The following TMEM108 variants were observed in gnomAD, a reference collection of about 807,000 sequenced individuals.
TMEM108 encodes cancer/testis antigen 124.
A neutral mutation model predicts 35.1 loss-of-function variants in TMEM108; 12 were observed. That is an observed-to-expected ratio of 0.34 (90% CI 0.22 to 0.55). TMEM108 has a LOEUF of 0.55. Ranked by LOEUF, TMEM108 falls within the 20% of genes least tolerant of loss-of-function variation. The pLI is 0.89. For missense variants in TMEM108, 680 were observed against 753.3 expected, an observed-to-expected ratio of 0.90 and a Z score of 1.14; for synonymous variants, 287 against 308.6, an observed-to-expected ratio of 0.93 and a Z score of 0.73.
intron 2 of TMEM108, among the ~76,000 whole-genome samples, chr3:133,164,151 T>C (rs937488299): frequency 6.6e-6 from 1 of 152,204 alleles, no homozygotes; most frequent in African/African-American, 2.4e-5. Context: ...TCTATGTGTC[T>C]GCCTTCACAT....
At chr3:133,323,778 C>A (rs1392732219) in intron 3 of TMEM108, among the ~76,000 whole-genome samples, 1 of 152,174 alleles carries the variant, frequency 6.6e-6, no homozygotes, top group Non-Finnish European at 1.5e-5. Context: ...TCAAACTATA[C>A]TACCAGGCCA....
chr3:133,387,406 T>TAATC, intron 4 of TMEM108: 1 of 985,444 alleles, frequency 1.0e-6, no homozygotes, highest in Non-Finnish European at 1.2e-6. Context: ...GAGAGAAATA[T>TAATC]AATCAGGCCA....
chr3:133,040,337 G>T (rs1943260366), intron 1 of TMEM108, among the ~76,000 whole-genome samples: 1 of 151,564 alleles, frequency 6.6e-6, no homozygotes, highest in Admixed American at 6.6e-5. Context: ...CCGAGTAGCT[G>T]GGATTACAGG....
chr3:133,075,105 G>A lies in TMEM108; in HGVS notation c.-47+29085G>A, dbSNP rs553122928. Among the ~76,000 whole-genome samples, 10 of 152,230 alleles carry A rather than the reference G, an allele frequency of 6.6e-5. No homozygotes were observed. The South Asian group carries it at 2.1e-3, about 32-fold the overall frequency. On this transcript the variant is annotated intron_variant, in intron 2 of 5. Coordinates refer to ENST00000321871, the MANE Select transcript of TMEM108 (RefSeq NM_023943.4). ...TCTCTTTGCTGTGCTTCTCCACAGAGCATCCACCACATTTTTATCCATCTG... is the reference window on the plus strand; with the variant it reads ...TCTCTTTGCTGTGCTTCTCCACAGAACATCCACCACATTTTTATCCATCTG...
intron 2 of TMEM108, among the ~76,000 whole-genome samples, chr3:133,080,971 C>T (rs887161554): frequency 6.6e-6 from 1 of 151,768 alleles, no homozygotes; most frequent in Non-Finnish European, 1.5e-5. Context: ...ATGAAAGGAA[C>T]ATGAACTTTA....
chr3:133,212,596 G>T (rs184128797), intron 2 of TMEM108, among the ~76,000 whole-genome samples: 1 of 152,178 alleles, frequency 6.6e-6, no homozygotes, highest in African/African-American at 2.4e-5. Context: ...GCCAGGCATG[G>T]TGTCTCATGC....
intron 3 of TMEM108, among the ~76,000 whole-genome samples, chr3:133,268,900 G>A (rs943647041): frequency 2.6e-5 from 4 of 152,234 alleles, no homozygotes; most frequent in Admixed American, 2.6e-4. Context: ...ACCTTTCCAA[G>A]CATTGTCTTT....
chr3:133,314,749 G>A (rs1276424375), intron 3 of TMEM108, among the ~76,000 whole-genome samples: 2 of 152,160 alleles, frequency 1.3e-5, no homozygotes, highest in African/African-American at 4.8e-5. Flanking sequence ...AAAAGTCTAT[G>A]GGACAAGAAC....
At chr3:133,059,615 G>A (rs1274618047) in intron 2 of TMEM108, among the ~76,000 whole-genome samples, 1 of 151,968 alleles carries the variant, frequency 6.6e-6, no homozygotes, top group Non-Finnish European at 1.5e-5. Flanking sequence ...GTGCGGCTGC[G>A]GAAGAGTTAG....
chr3:133,083,772 A>G (rs1943845196), intron 2 of TMEM108, among the ~76,000 whole-genome samples: 1 of 152,172 alleles, frequency 6.6e-6, no homozygotes, highest in African/African-American at 2.4e-5. Flanking sequence ...GGGACTTTCA[A>G]AGGGACAGGA....
At chr3:133,302,993 G>C (rs1240332013) in intron 3 of TMEM108, among the ~76,000 whole-genome samples, 1 of 152,122 alleles carries the variant, frequency 6.6e-6, no homozygotes, top group African/African-American at 2.4e-5. Context: ...TTTTTAAACT[G>C]TCTCTTGATG....
At chr3:133,177,479 G>T (rs1468605273) in intron 2 of TMEM108, among the ~76,000 whole-genome samples, 2 of 152,132 alleles carry the variant, frequency 1.3e-5, no homozygotes, top group East Asian at 3.8e-4. Context: ...TGATCAAGTG[G>T]GCTTCATCCC....
intron 2 of TMEM108, among the ~76,000 whole-genome samples, chr3:133,125,606 G>C (rs1019190841): frequency 3.9e-5 from 6 of 152,066 alleles, no homozygotes; most frequent in Non-Finnish European, 5.9e-5. Context: ...ATAATGACAG[G>C]CTTAATTATC....
Position 133,247,619 on chromosome 3 carries a change from T to C in TMEM108, c.40+18268T>C, listed in dbSNP as rs6791200. ...GACTATTTTCAATCCATATTTATAT[T>C]CACTGTTATTCATAATAATCCTAAA... On this transcript the variant is annotated intron_variant, in intron 3 of 5. Coordinates refer to ENST00000321871, the MANE Select transcript of TMEM108 (RefSeq NM_023943.4). The C allele has an allele frequency of 2.1e-3, 315 of 146,550 alleles. 2 individuals carry two copies. Among genetic ancestry groups the C allele is most frequent in the African/African-American group, 7.5e-3 (297 of 39,602 alleles). The allele number at this position is 146,550 out of a possible 1,614,324, so 9.1% of individuals were successfully genotyped here. A position where few individuals can be genotyped will look rare whatever the true frequency, so the allele number is the denominator to read the frequency against.
intron 2 of TMEM108, among the ~76,000 whole-genome samples, chr3:133,203,267 A>G (rs1288712139): frequency 6.6e-6 from 1 of 152,114 alleles, no homozygotes; most frequent in South Asian, 2.1e-4. Flanking sequence ...CTTTCTTCCT[A>G]TTTGAATACT....
At chr3:133,063,403 A>G (rs772507390) in intron 2 of TMEM108, among the ~76,000 whole-genome samples, 3 of 152,180 alleles carry the variant, frequency 2.0e-5, no homozygotes, top group Non-Finnish European at 4.4e-5. Flanking sequence ...TGTGATAAAG[A>G]TAACCCACTC....
chr3:133,068,362 C>A (rs750872431), intron 2 of TMEM108, among the ~76,000 whole-genome samples: 1 of 152,036 alleles, frequency 6.6e-6, no homozygotes, highest in East Asian at 1.9e-4. Flanking sequence ...GGCAGCACTT[C>A]GGGCCAAGAG....
At chr3:133,386,623 A>G in intron 4 of TMEM108, 1 of 1,433,052 alleles carries the variant, frequency 7.0e-7, no homozygotes, top group Non-Finnish European at 9.1e-7. Flanking sequence ...GGACTCCATG[A>G]CCTCCTCCAG....
chr3:133,106,497 G>C (rs1944155158), intron 2 of TMEM108, among the ~76,000 whole-genome samples: 1 of 152,140 alleles, frequency 6.6e-6, no homozygotes, highest in Non-Finnish European at 1.5e-5. Context: ...AGCCTCCAGG[G>C]TGGCCAACCA....
Sources: gnomAD v4.1 joint callset for allele counts (sites outside exome capture counted in the v4.1 genomes callset) on GRCh38, gnomAD v4.1.1 for gene constraint, MANE v1.5 for transcripts, NCBI Gene and HGNC (gene_info 2026-07-23, HGNC 2026-07-21) for gene names.